CNOT3: variants seen among roughly 807,000 people sequenced by gnomAD.
CNOT3 encodes CCR4-NOT transcription complex subunit 3, also known as CCR4-associated factor 3.
CNOT3 carries 2 observed loss-of-function variants against 89.4 expected under a neutral mutation model. The ratio of observed to expected loss-of-function variants is 0.02; its 90% CI spans 0.01 to 0.07. The LOEUF is 0.07. Ranked by LOEUF, CNOT3 falls within the 10% of genes least tolerant of loss-of-function variation. The probability of loss-of-function intolerance (pLI) is 1.00; values close to 1 mark genes in which losing one functional copy is unlikely to be tolerated. For missense variants in CNOT3, 664 were observed against 1,010.2 expected, an observed-to-expected ratio of 0.66 and a Z score of 4.65; for synonymous variants, 486 against 402.0, an observed-to-expected ratio of 1.21 and a Z score of -2.50.
intron 1 of CNOT3, among the ~76,000 whole-genome samples, chr19:54,138,507 A>AG (rs1329219475): frequency 2.1e-5 from 3 of 143,750 alleles, no homozygotes; most frequent in Non-Finnish European, 4.6e-5. Flanking sequence ...GGTGGCGGGG[A>AG]GGGGGGGTGG....
Position 54,148,830 on chromosome 19 carries a change from C to T in CNOT3, c.1406+87C>T, listed in dbSNP as rs1414209929. On this transcript the variant is annotated intron_variant, in intron 12 of 17. Transcript: ENST00000221232. This position sits in a 1 kb window ranked among gnomAD's most constrained non-coding sequence, Gnocchi z 6.3. ...CGCCTCACCCCCGCATCGGTGGGTT[C>T]TGAACCCCCCGCCCTTGCTGCTGGG... 2.4e-6 allele frequency: 3 copies of T among 1,225,716 alleles called. No individual in the cohort carries two copies. The highest frequency in any genetic ancestry group is 3.4e-6 in the Non-Finnish European group (3 of 877,984). 75.9% of individuals were successfully genotyped at this position (1,225,716 alleles called of 1,614,324 possible).
At chr19:54,154,198 G>A (rs1008889046) in intron 17 of CNOT3, 4 of 444,170 alleles carry the variant, frequency 9.0e-6, no homozygotes, top group East Asian at 5.2e-5. Flanking sequence ...CTCTGCTGCC[G>A]AGGGACCTTG....
rs375507060 is a variant in CNOT3, at chr19:54,149,574, C to T, written c.1421C>T (p.Ala474Val). ...PPPSTSKEPS[A>V]AAPTGAGGVA... ...TCTCTCTCCAGGAAGGAACCCAGTG[C>T]GGCAGCCCCAACGGGGGCTGGGGGC... is the stretch of plus-strand genomic sequence containing the variant. Residue 474 changes from alanine (A) to valine (V), a missense_variant, in exon 13 of 18, where the codon GCG (alanine) becomes GTG (valine). By Grantham distance (64) the Ala-to-Val change is moderately conservative. Coordinates refer to ENST00000221232, the MANE Select transcript of CNOT3 (RefSeq NM_014516.4). 74 of 1,592,558 alleles carry T rather than the reference C, an allele frequency of 4.6e-5. No homozygotes were observed. The highest frequency in any genetic ancestry group is 5.6e-5 in the Non-Finnish European group (65 of 1,168,022).
At chr19:54,138,748 C>T (rs775271743) in intron 1 of CNOT3, among the ~76,000 whole-genome samples, 5 of 150,980 alleles carry the variant, frequency 3.3e-5, no homozygotes, top group Admixed American at 6.6e-5. Context: ...GCTCTTCCCT[C>T]TCATAGCGAG....
intron 1 of CNOT3, chr19:54,142,462 G>A: frequency 2.9e-5 from 1 of 33,982 alleles, no homozygotes; most frequent in East Asian, 5.3e-4. Context: ...GCCCTTCTCT[G>A]TGAGCTGCCA....
At chr19:54,139,347 G>C (rs1302655097) in intron 1 of CNOT3, among the ~76,000 whole-genome samples, 3 of 152,124 alleles carry the variant, frequency 2.0e-5, no homozygotes, top group African/African-American at 7.2e-5. Flanking sequence ...CTGTGGGTTT[G>C]TTGACTTCCC....
At position 54,148,234 on chromosome 19, in the gene CNOT3, C is replaced by A. The variant is rs971897825; in HGVS notation, c.981C>A (p.Pro327=). ...PAVPPTYPSG[P]PPAASALSTT... ...TGCCGCCCACCTACCCCTCCGGCCCCCCGCCTGCTGCCTCTGCCTTGAGCA... is the reference window on the plus strand; with the variant it reads ...TGCCGCCCACCTACCCCTCCGGCCCACCGCCTGCTGCCTCTGCCTTGAGCA... Residue 327 remains proline, a synonymous_variant, in exon 11 of 18, where the codon CCC becomes CCA. Transcript: ENST00000221232. This position sits in a 1 kb window ranked among gnomAD's most constrained non-coding sequence, Gnocchi z 6.3. 6.2e-7 allele frequency: 1 copy of A among 1,601,350 alleles called. No homozygotes were observed. Among genetic ancestry groups the A allele is most frequent in the African/African-American group, 1.3e-5 (1 of 74,760 alleles).
Position 54,149,667 on chromosome 19 carries a change from C to G in CNOT3, c.1514C>G (p.Pro505Arg), listed in dbSNP as rs1248990622. The change falls in exon 13 of 18, where the codon CCC becomes CGC. Residue 505 changes from proline to arginine, a missense_variant. Pro to Arg is a moderately radical substitution (Grantham distance 103). Around this residue, in one of 8 missense-constraint regions of CNOT3, gnomAD observed 545 missense variants for 566.2 expected, o/e 0.96. Coordinates refer to ENST00000221232, the MANE Select transcript of CNOT3 (RefSeq NM_014516.4). ...CTGGTGCCACTGCCTGTGAATCCTC[C>G]CAGCTCCCCAACGCCCAGCTTCAGT... ...SLLVPLPVNP[P>R]SSPTPSFSDA... 6.2e-7 allele frequency: 1 copy of G among 1,613,960 alleles called. No individual in the cohort carries two copies. Among genetic ancestry groups the G allele is most frequent in the Non-Finnish European group, 8.5e-7 (1 of 1,179,974 alleles).
At chr19:54,151,920 A>G (rs1210695491) in intron 13 of CNOT3, among the ~76,000 whole-genome samples, 2 of 152,224 alleles carry the variant, frequency 1.3e-5, no homozygotes, top group Non-Finnish European at 2.9e-5. Context: ...CGCACTGTAC[A>G]TATTCTGCAG....
chr19:54,155,172 AGT>A (rs1419001832), intron 17 of CNOT3, 135 bp from the exon 18 acceptor site: 51 of 891,540 alleles, frequency 5.7e-5, no homozygotes, highest in Non-Finnish European at 8.6e-5. Context: ...GATGGATGAG[AGT>A]GTGTGCGTGC....
intron 9 of CNOT3, 93 bp downstream of exon 9, chr19:54,146,136 G>A (rs1405257051): frequency 5.8e-6 from 8 of 1,388,570 alleles, no homozygotes; most frequent in East Asian, 4.6e-5. Flanking sequence ...CTATGGGAGC[G>A]TAATTGAGGA....
intron 1 of CNOT3, 60 bp downstream of exon 1, chr19:54,138,053 G>T (rs1428869642): frequency 6.6e-6 from 1 of 152,294 alleles, no homozygotes; most frequent in Non-Finnish European, 1.5e-5. Context: ...GGCGCCATCG[G>T]CCGCCCTCCC....
At chr19:54,151,804 T>C (rs587715311) in intron 13 of CNOT3, among the ~76,000 whole-genome samples, 1 of 152,312 alleles carries the variant, frequency 6.6e-6, no homozygotes, top group South Asian at 2.1e-4. Flanking sequence ...CAGCTGAGCA[T>C]GTAGACCTCC....
chr19:54,139,037 G>C (rs587608732), intron 1 of CNOT3, among the ~76,000 whole-genome samples: 5 of 152,178 alleles, frequency 3.3e-5, no homozygotes, highest in African/African-American at 9.7e-5. Flanking sequence ...ATCCCCTGGC[G>C]CTCAGGTGCC....
In CNOT3 at chr19:54,149,680, G is replaced by T. The variant is rs140186334; in HGVS notation, c.1527G>T (p.Thr509=). 1.2e-6 allele frequency: 2 copies of T among 1,614,022 alleles called. No homozygotes were observed. Among genetic ancestry groups the T allele is most frequent in the South Asian group, 2.2e-5 (2 of 91,078 alleles). Residue 509 remains threonine, a synonymous_variant, in exon 13 of 18, where the codon ACG becomes ACT. Transcript: ENST00000221232. ...CTGTGAATCCTCCCAGCTCCCCAAC[G>T]CCCAGCTTCAGTGATGCCAAGGCAG... ...PLPVNPPSSP[T]PSFSDAKAAG...
In CNOT3 at chr19:54,146,063, T is replaced by C; in HGVS notation, c.837+20T>C. ...ACCACGGTGAGGCCCCACGGGACAC[T>C]AGTACCTTGTGTTTCCAGCAGGGCA... On this transcript the variant is annotated intron_variant, in intron 9 of 17. Coordinates refer to ENST00000221232, the MANE Select transcript of CNOT3 (RefSeq NM_014516.4). The C allele has an allele frequency of 6.3e-7, 1 of 1,585,862 alleles. No individual in the cohort carries two copies. The highest frequency in any genetic ancestry group is 8.6e-7 in the Non-Finnish European group (1 of 1,161,972).
Position 54,142,817 on chromosome 19 carries a change from GCTT to G in CNOT3, c.-50-106_-50-104del, listed in dbSNP as rs1186732045. On this transcript the variant is annotated intron_variant, in intron 1 of 17. Transcript: ENST00000221232. ...GCTGGTCTCTTGTCAGATAGCAAATGCTTCTTCTCTTTACCAGTCCCACCTACC... is the reference window on the plus strand; with the variant it reads ...GCTGGTCTCTTGTCAGATAGCAAATGCTTCTCTTTACCAGTCCCACCTACC... The G allele has an allele frequency of 4.3e-6, 3 of 699,122 alleles. No individual in the cohort carries two copies. In the Admixed American group the frequency reaches 6.2e-5, roughly 14 times the overall value. The allele number at this position is 699,122 out of a possible 1,614,324, so 43.3% of individuals were successfully genotyped here.
intron 1 of CNOT3, among the ~76,000 whole-genome samples, chr19:54,139,653 A>G (rs2074369334): frequency 6.6e-6 from 1 of 152,042 alleles, no homozygotes; most frequent in South Asian, 2.1e-4. Context: ...CCCCTCTCGG[A>G]TGCAGGTGCC....
chr19:54,149,484 C>T, intron 12 of CNOT3, 76 bp from the exon 13 acceptor site: 1 of 909,438 alleles, frequency 1.1e-6, no homozygotes, highest in African/African-American at 1.7e-5. Context: ...TCTCCCCTCT[C>T]TCCAGCCAGG....
Sources: allele counts gnomAD v4.1 joint callset (sites outside exome capture counted in the v4.1 genomes callset), GRCh38; gene constraint gnomAD v4.1.1; regional missense constraint gnomAD v4.1.1; non-coding constraint Gnocchi (gnomAD v3.1); transcripts MANE v1.5; gene names NCBI Gene and HGNC (gene_info 2026-07-23, HGNC 2026-07-21).